Variants in EYS observed in about 807,000 individuals in gnomAD.
EYS encodes protein eyes shut homolog.
In EYS, 250 loss-of-function variants were observed where a neutral mutation model predicts 282.1. That is an observed-to-expected ratio of 0.89 (90% CI 0.80 to 0.98). The LOEUF is 0.98. Among genes scored for constraint, EYS ranks in the 50% least tolerant of loss-of-function variants. The probability of loss-of-function intolerance (pLI) is 0.00; values close to 1 mark genes in which losing one functional copy is unlikely to be tolerated. For missense variants in EYS, 4,016 were observed against 3,709.0 expected (o/e 1.08, Z -2.15); for synonymous variants, 1,355 against 1,282.9 (o/e 1.06, Z -1.20).
At chr6:65,445,879 A>C (rs9354244) in intron 5 of EYS, among the ~76,000 whole-genome samples, 28,098 of 151,668 alleles carry the variant, frequency 0.19, 3,250 homozygotes, top group Middle Eastern at 0.3. Context: ...TGTTTCCATA[A>C]TTTTATGATA....
intron 1 of EYS, among the ~76,000 whole-genome samples, chr6:65,648,151 A>G (rs921948439): frequency 6.6e-6 from 1 of 152,244 alleles, no homozygotes; most frequent in African/African-American, 2.4e-5. Context: ...TAGATCTACC[A>G]TTTGATCACG....
intron 41 of EYS, among the ~76,000 whole-genome samples, chr6:63,746,121 GT>G (rs1442460979): frequency 6.6e-6 from 1 of 152,204 alleles, no homozygotes; most frequent in Non-Finnish European, 1.5e-5. Context: ...TTTATTGGGA[GT>G]TTTTAGCATG....
chr6:65,503,283 A>T (rs1766525622), intron 2 of EYS, among the ~76,000 whole-genome samples: 1 of 151,568 alleles, frequency 6.6e-6, no homozygotes, highest in African/African-American at 2.4e-5. Flanking sequence ...TGAATTGTCT[A>T]TTCAGATCTT....
At chr6:64,561,560 G>A (rs1164880978) in intron 26 of EYS, among the ~76,000 whole-genome samples, 2 of 151,918 alleles carry the variant, frequency 1.3e-5, no homozygotes, top group Non-Finnish European at 2.9e-5. Context: ...TATCAGATAG[G>A]CAATCCCATT....
At chr6:65,230,243 G>C (rs917527686) in intron 12 of EYS, among the ~76,000 whole-genome samples, 2 of 151,850 alleles carry the variant, frequency 1.3e-5, no homozygotes, top group Non-Finnish European at 2.9e-5. Context: ...TTACTTTCAT[G>C]TGATTTTCTC....
chr6:64,240,134 C>A (rs1766757861), intron 30 of EYS, among the ~76,000 whole-genome samples: 1 of 152,082 alleles, frequency 6.6e-6, no homozygotes, highest in Non-Finnish European at 1.5e-5. Flanking sequence ...GGTACCAGTA[C>A]CATGCTGTTT....
intron 19 of EYS, among the ~76,000 whole-genome samples, chr6:64,867,123 A>T (rs1400266824): frequency 6.6e-6 from 1 of 151,850 alleles, no homozygotes; most frequent in East Asian, 1.9e-4. Flanking sequence ...CCAGATATTT[A>T]ATTTGAGGCA....
intron 29 of EYS, among the ~76,000 whole-genome samples, chr6:64,323,963 GT>G (rs1770312769): frequency 6.6e-6 from 1 of 152,114 alleles, no homozygotes; most frequent in Non-Finnish European, 1.5e-5. Context: ...GATCATCTAA[GT>G]TTACTCCCAT....
At chr6:64,408,677 A>G (rs1290334031) in intron 28 of EYS, among the ~76,000 whole-genome samples, 1 of 152,234 alleles carries the variant, frequency 6.6e-6, no homozygotes, top group Non-Finnish European at 1.5e-5. Context: ...AAGAGATACA[A>G]AAACCAAACT....
At chr6:64,266,386 A>C (rs1767761951) in intron 30 of EYS, among the ~76,000 whole-genome samples, 1 of 152,096 alleles carries the variant, frequency 6.6e-6, no homozygotes, top group African/African-American at 2.4e-5. Context: ...CTTAAAAAAA[A>C]ATCCCCAAAA....
chr6:64,589,048 G>A (rs1369219389), intron 26 of EYS, among the ~76,000 whole-genome samples: 5 of 151,960 alleles, frequency 3.3e-5, no homozygotes, highest in East Asian at 1.9e-4. Flanking sequence ...TTTGAGAGAC[G>A]TTTTAACTCT....
intron 22 of EYS, among the ~76,000 whole-genome samples, chr6:64,791,322 CAT>C (rs1774184669): frequency 6.6e-6 from 1 of 151,906 alleles, no homozygotes; most frequent in Admixed American, 6.6e-5. Context: ...CACACACACA[CAT>C]ACACATACAT....
intron 19 of EYS, among the ~76,000 whole-genome samples, chr6:64,834,252 A>C (rs7766774): frequency 1 from 151,654 of 151,914 alleles, 75,697 homozygotes; most frequent in Middle Eastern, 1. Context: ...ATTTAAAAAA[A>C]GCTCATGATT....
rs578234354 is a variant in EYS at position 64,605,322 on chromosome 6, G to T, written c.3685-12013C>A. 2.0e-5 allele frequency among the ~76,000 whole-genome samples: 3 copies of T among 151,974 alleles called. No individual in the cohort carries two copies. The South Asian group carries it at 6.2e-4, about 31-fold the overall frequency. ...TGAGTTTTAAAAGCAAAAAAAGTTT[G>T]AATGTTAAAGTTATATGCCTGACTA... is the stretch of plus-strand genomic sequence containing the variant. On this transcript the variant is annotated intron_variant, in intron 24 of 42. Transcript: ENST00000503581.
chr6:63,780,019 T>A (rs1391232706), intron 39 of EYS, among the ~76,000 whole-genome samples: 1 of 152,178 alleles, frequency 6.6e-6, no homozygotes, highest in African/African-American at 2.4e-5. Context: ...GTCCTTGGGA[T>A]AGTATGCTCA....
At chr6:65,260,134 C>T (rs921984555) in intron 12 of EYS, among the ~76,000 whole-genome samples, 1 of 151,888 alleles carries the variant, frequency 6.6e-6, no homozygotes, top group Non-Finnish European at 1.5e-5. Flanking sequence ...CTCAAGGCAG[C>T]CAAAAGGAGA....
chr6:64,515,247 T>C (rs1445322756), intron 26 of EYS, among the ~76,000 whole-genome samples: 2 of 151,752 alleles, frequency 1.3e-5, no homozygotes, highest in Non-Finnish European at 2.9e-5. Flanking sequence ...TTTATGCTTC[T>C]CAATTGATTA....
chr6:65,089,172 A>G (rs952967712), intron 12 of EYS, among the ~76,000 whole-genome samples: 2 of 152,148 alleles, frequency 1.3e-5, no homozygotes, highest in African/African-American at 4.8e-5. Flanking sequence ...CCACTGTGGC[A>G]CTGCCTAGTG....
chr6:64,500,796 CTG>C (rs1223997651), intron 26 of EYS, among the ~76,000 whole-genome samples: 1 of 151,974 alleles, frequency 6.6e-6, no homozygotes, highest in African/African-American at 2.4e-5. Flanking sequence ...AGGAAAAAAA[CTG>C]TTTTAGAAAA....
Sources: allele counts gnomAD v4.1 joint callset (sites outside exome capture counted in the v4.1 genomes callset), GRCh38; gene constraint gnomAD v4.1.1; transcripts MANE v1.5; gene names NCBI Gene and HGNC (gene_info 2026-07-23, HGNC 2026-07-21).